KIF6: variants seen among roughly 807,000 people sequenced by gnomAD.
The protein encoded by KIF6 is kinesin-like protein KIF6.
A neutral mutation model predicts 112.7 loss-of-function variants in KIF6; 106 were observed. That is an observed-to-expected ratio of 0.94 (90% CI 0.80 to 1.11). The LOEUF (loss-of-function observed/expected upper bound fraction) is 1.11, where lower values mean the gene tolerates loss of function less well. Ranked by LOEUF, KIF6 falls within the 50% of genes least tolerant of loss-of-function variation. The pLI is 0.00. For synonymous variants in KIF6, 339 were observed against 339.9 expected, an observed-to-expected ratio of 1.00 and a Z score of 0.03; for missense variants, 929 against 964.0, an observed-to-expected ratio of 0.96 and a Z score of 0.48.
chr6:39,691,995 C>T (rs13195298), intron 3 of KIF6: 49,318 of 151,960 alleles, frequency 0.32, 9,258 homozygotes, highest in Non-Finnish European at 0.4. Context: ...TCAAGACTAA[C>T]GTGTTAATTA....
At chr6:39,377,665 G>T (rs1180498496) in intron 16 of KIF6, among the ~76,000 whole-genome samples, 1 of 152,200 alleles carries the variant, frequency 6.6e-6, no homozygotes, top group Non-Finnish European at 1.5e-5. Flanking sequence ...AATGCTGGTT[G>T]GGGGAAAAGA....
intron 16 of KIF6, among the ~76,000 whole-genome samples, chr6:39,376,005 A>G (rs1887715): frequency 0.64 from 96,856 of 151,970 alleles, 31,124 homozygotes; most frequent in Non-Finnish European, 0.66. Flanking sequence ...AATGGTGTGC[A>G]GGCTCCTCCT....
Position 39,634,939 on chromosome 6 carries a change from GTA to G in KIF6, c.417_418del (p.Thr140AsnfsTer11), listed in dbSNP as rs1784546502. On this transcript the variant is annotated frameshift_variant, in exon 5 of 23. Transcript: ENST00000287152. LOFTEE classifies it high-confidence loss of function. ...GATTTCCAAATAGGAAATGTGTGTT[GTA>G]TATATTTTGCTGCTGTCCTGATTGG... 6.2e-7 allele frequency: 1 copy of G among 1,607,208 alleles called. No homozygotes were observed. Among genetic ancestry groups the G allele is most frequent in the Non-Finnish European group, 8.5e-7 (1 of 1,174,260 alleles).
chr6:39,632,862 T>C (rs1314062503), intron 5 of KIF6, among the ~76,000 whole-genome samples: 1 of 152,022 alleles, frequency 6.6e-6, no homozygotes, highest in African/African-American at 2.4e-5. Flanking sequence ...CCTTGTGATC[T>C]GCCTGCCTTG....
At chr6:39,362,346 G>A in intron 17 of KIF6, 88 bp downstream of exon 17, 1 of 974,526 alleles carries the variant, frequency 1.0e-6, no homozygotes. Flanking sequence ...CCACATCCCT[G>A]AGTAGCTGCA....
At position 39,403,735 on chromosome 6, in the gene KIF6, G is replaced by T. The variant is rs551655268; in HGVS notation, c.1810+16213C>A. ...GGCCAAGTTGTTGTCCAAGGTGTCT[G>T]CCCCATTTTGCATGCTGACTAGCAA... is the stretch of plus-strand genomic sequence containing the variant. On this transcript the variant is annotated intron_variant, in intron 15 of 22. Transcript: ENST00000287152. 5.7e-4 allele frequency among the ~76,000 whole-genome samples: 87 copies of T among 152,300 alleles called. 1 individual carries two copies. The highest frequency in any genetic ancestry group is 1.8e-3 in the African/African-American group (76 of 41,564).
intron 10 of KIF6, among the ~76,000 whole-genome samples, chr6:39,549,002 T>C (rs9394610): frequency 0.46 from 70,203 of 152,058 alleles, 19,409 homozygotes; most frequent in African/African-American, 0.78. Flanking sequence ...AACACATGAC[T>C]TCGCTGATGG....
chr6:39,586,393 G>A lies in KIF6; in HGVS notation c.858C>T (p.Ala286=), dbSNP rs202065281. The part of the protein sequence containing the change: ...SLHYLEQVII[A]LSEKHRSHIP... ...TGTGCGAACGGTGCTTTTCTGAAAG[G>A]GCAATGATAACCTGTGGTAAAGTAG... The change falls in exon 8 of 23, where the codon GCC becomes GCT. Residue 286 remains alanine (A), a synonymous_variant. Coordinates refer to ENST00000287152, the MANE Select transcript of KIF6 (RefSeq NM_145027.6). 364 of 1,613,706 alleles carry A rather than the reference G, an allele frequency of 2.3e-4. No individual in the cohort carries two copies. The highest frequency in any genetic ancestry group is 2.9e-4 in the Non-Finnish European group (343 of 1,179,836).
intron 6 of KIF6, among the ~76,000 whole-genome samples, chr6:39,601,745 CAT>C (rs1431170474): frequency 2.9e-5 from 4 of 139,272 alleles, no homozygotes; most frequent in East Asian, 2.1e-4. Context: ...CACACACACA[CAT>C]TAGTTTATTT....
At chr6:39,347,413 G>A (rs911155378) in intron 19 of KIF6, among the ~76,000 whole-genome samples, 7 of 152,338 alleles carry the variant, frequency 4.6e-5, no homozygotes, top group Non-Finnish European at 1.0e-4. Flanking sequence ...TGACATGTGC[G>A]CCTTGCCTTG....
At chr6:39,346,616 T>G in intron 19 of KIF6, 90 bp from the exon 20 acceptor site, 2 of 607,768 alleles carry the variant, frequency 3.3e-6, no homozygotes, top group Non-Finnish European at 5.9e-6. Flanking sequence ...GAGCCAAGAG[T>G]CCTGTCTTGG....
intron 12 of KIF6, among the ~76,000 whole-genome samples, chr6:39,541,310 T>C (rs183186392): frequency 6.6e-6 from 1 of 152,262 alleles, no homozygotes; most frequent in African/African-American, 2.4e-5. Context: ...CTCTCTCTGA[T>C]GTGGCTTCCA....
chr6:39,570,944 A>G (rs1425721276), intron 10 of KIF6, among the ~76,000 whole-genome samples: 1 of 152,194 alleles, frequency 6.6e-6, no homozygotes, highest in Non-Finnish European at 1.5e-5. Context: ...TACATACCTC[A>G]GGTTAGATCA....
At chr6:39,713,657 G>T (rs913007517) in intron 3 of KIF6, among the ~76,000 whole-genome samples, 2 of 152,082 alleles carry the variant, frequency 1.3e-5, no homozygotes, top group Non-Finnish European at 2.9e-5. Context: ...TAAAAAGAAG[G>T]GAATTTCAGA....
intron 5 of KIF6, among the ~76,000 whole-genome samples, chr6:39,626,712 C>T (rs1473680218): frequency 2.0e-5 from 3 of 152,120 alleles, no homozygotes; most frequent in Non-Finnish European, 2.9e-5. Flanking sequence ...ACTTTCCCTA[C>T]GTGGATGAGG....
chr6:39,485,431 C>T (rs1413882709), intron 13 of KIF6, among the ~76,000 whole-genome samples: 1 of 152,054 alleles, frequency 6.6e-6, no homozygotes. Context: ...GTATTTGCTT[C>T]TTTGATTGCT....
intron 3 of KIF6, among the ~76,000 whole-genome samples, chr6:39,680,830 T>G (rs1787467866): frequency 6.6e-6 from 1 of 152,170 alleles, no homozygotes. Context: ...ACCCTTTTTG[T>G]CCCATTTTAT....
intron 13 of KIF6, among the ~76,000 whole-genome samples, chr6:39,480,268 C>T (rs1448852998): frequency 2.0e-5 from 3 of 152,124 alleles, no homozygotes; most frequent in Non-Finnish European, 4.4e-5. Context: ...TAAAGTGATG[C>T]TGGATTTTGT....
At chr6:39,562,901 G>A (rs1780085057) in intron 10 of KIF6, among the ~76,000 whole-genome samples, 1 of 152,106 alleles carries the variant, frequency 6.6e-6, no homozygotes, top group South Asian at 2.1e-4. Flanking sequence ...TATTTTGCCT[G>A]ATCATAAAGT....
Sources: allele counts gnomAD v4.1 joint callset (sites outside exome capture counted in the v4.1 genomes callset), GRCh38; gene constraint gnomAD v4.1.1; transcripts MANE v1.5; gene names NCBI Gene and HGNC (gene_info 2026-07-23, HGNC 2026-07-21).